Variants in MIA3 observed in about 807,000 individuals in gnomAD.
MIA3 encodes the protein transport and Golgi organization protein 1 homolog.
A neutral mutation model predicts 192.4 loss-of-function variants in MIA3; 90 were observed. The observed-to-expected ratio is 0.47, with a 90% CI of 0.39 to 0.56. The LOEUF (loss-of-function observed/expected upper bound fraction) is 0.56, where lower values mean the gene tolerates loss of function less well. MIA3 is among the 20% of genes least tolerant of loss of function. The pLI, the probability that MIA3 is intolerant of heterozygous loss-of-function variation, is 0.00. For missense variants in MIA3, 2,123 were observed against 2,269.4 expected, an observed-to-expected ratio of 0.94 and a Z score of 1.31; for synonymous variants, 740 against 792.8, an observed-to-expected ratio of 0.93 and a Z score of 1.12.
intron 1 of MIA3, among the ~76,000 whole-genome samples, chr1:222,618,953 A>G (rs1661736100): frequency 6.6e-6 from 1 of 152,000 alleles, no homozygotes; most frequent in African/African-American, 2.4e-5. Context: ...CTGTGCTTGG[A>G]AGCCGCCTTG....
At chr1:222,627,344 T>C (rs1269141336) in intron 3 of MIA3, among the ~76,000 whole-genome samples, 1 of 152,086 alleles carries the variant, frequency 6.6e-6, no homozygotes, top group Non-Finnish European at 1.5e-5. Flanking sequence ...GAATCATTCT[T>C]CCCCTGGGGA....
At chr1:222,619,051 C>CCAGGT (rs1197307634) in intron 1 of MIA3, among the ~76,000 whole-genome samples, 1 of 152,202 alleles carries the variant, frequency 6.6e-6, no homozygotes, top group Non-Finnish European at 1.5e-5. Flanking sequence ...GACCGGCAGC[C>CCAGGT]TCCTCTTCTG....
rs985770171 is a variant in MIA3 at position 222,665,781 on chromosome 1, A to G, written c.*162A>G. On this transcript the variant is annotated 3_prime_UTR_variant, in exon 28 of 28. Coordinates refer to ENST00000344922, the MANE Select transcript of MIA3 (RefSeq NM_198551.4). The stretch of plus-strand genomic sequence containing the variant: ...TGCATTTTTGAGCCAAACAATTCAA[A>G]AATGTCATTTCTTCCCTAAATAAAA... 2 of 501,040 alleles carry G rather than the reference A, an allele frequency of 4.0e-6. No individual in the cohort carries two copies. The highest frequency in any genetic ancestry group is 6.5e-6 in the Non-Finnish European group (2 of 306,100). 31.0% of individuals were successfully genotyped at this position (501,040 alleles called of 1,614,324 possible).
Position 222,633,182 on chromosome 1 carries a change from C to CA in MIA3, c.3412dup (p.Ser1138LysfsTer21). The CA allele has an allele frequency of 6.2e-7, 1 of 1,614,018 alleles. No homozygotes were observed. The stretch of plus-strand genomic sequence containing the variant: ...CCAGAGACAGCCGCCGAAGAGCCGG[C>CA]AAGTGTCACACCTTTGGAAAACGCA... On this transcript the variant is annotated frameshift_variant, in exon 6 of 28. Coordinates refer to ENST00000344922, the MANE Select transcript of MIA3 (RefSeq NM_198551.4). LOFTEE classifies it high-confidence loss of function.
chr1:222,661,366 A>T (rs2124929206), intron 24 of MIA3: 1 of 152,698 alleles, frequency 6.5e-6, no homozygotes, highest in South Asian at 2.1e-4. Flanking sequence ...CAGTACAAAT[A>T]CAATACAGTG....
In MIA3 at chr1:222,660,349, T is replaced by G. The variant is rs989450163; in HGVS notation, c.5113+35T>G. On this transcript the variant is annotated intron_variant, in intron 24 of 27. Coordinates refer to ENST00000344922, the MANE Select transcript of MIA3 (RefSeq NM_198551.4). ...CACATGTTTCCTTGCAATACTCTTTTGGGTGGCTTTTTCCCTTTTATTTGA... is the reference window on the plus strand; with the variant it reads ...CACATGTTTCCTTGCAATACTCTTTGGGGTGGCTTTTTCCCTTTTATTTGA... The G allele has an allele frequency of 4.4e-6, 7 of 1,585,416 alleles. No homozygotes were observed. In the African/African-American group the frequency reaches 9.5e-5, roughly 22 times the overall value.
At position 222,650,348 on chromosome 1, in the gene MIA3, C is replaced by G; in HGVS notation, c.3688C>G (p.Leu1230Val). 6.2e-7 allele frequency: 1 copy of G among 1,602,212 alleles called. No individual in the cohort carries two copies. Among genetic ancestry groups the G allele is most frequent in the Non-Finnish European group, 8.5e-7 (1 of 1,171,954 alleles). The change falls in exon 9 of 28, where the codon CTT becomes GTT. Residue 1230 changes from leucine to valine, a missense_variant. By Grantham distance (32) the Leu-to-Val change is conservative. Coordinates refer to ENST00000344922, the MANE Select transcript of MIA3 (RefSeq NM_198551.4). Reference sequence around the variant, plus strand: ...GACTATCATGAAAGAAAATACAGAACTTGTACAAAAATTGTCAAATTATGA... The same window carrying G: ...GACTATCATGAAAGAAAATACAGAAGTTGTACAAAAATTGTCAAATTATGA... ...LKTIMKENTE[L>V]VQKLSNYEQK...
chr1:222,633,248 C>T lies in MIA3; in HGVS notation c.3476C>T (p.Ser1159Leu), dbSNP rs1009675849. 20 of 1,598,156 alleles carry T rather than the reference C, an allele frequency of 1.3e-5. No individual in the cohort carries two copies. The highest frequency in any genetic ancestry group is 1.7e-4 in the Middle Eastern group (1 of 6,022). The change falls in exon 6 of 28, where the codon TCG becomes TTG. Residue 1159 changes from serine to leucine, a missense_variant and splice_region_variant. Transcript: ENST00000344922. ...IYSFMFYLTK[S>L]LVATLPDDVQ... The stretch of plus-strand genomic sequence containing the variant: ...TCATTCATGTTTTATTTAACTAAGT[C>T]GGTAAGTTTAACATAGTTTTTTTTT...
intron 2 of MIA3, among the ~76,000 whole-genome samples, chr1:222,623,330 CA>C (rs1225107687): frequency 6.6e-6 from 1 of 151,618 alleles, no homozygotes; most frequent in Non-Finnish European, 1.5e-5. Context: ...CCTGTGGTCC[CA>C]ACTGACAAAG....
rs151007310 is a variant in MIA3 at position 222,667,873 on chromosome 1, C to T, written c.*2254C>T. On this transcript the variant is annotated 3_prime_UTR_variant, in exon 28 of 28. Transcript: ENST00000344922. ...TCTGCCATAGTTGTTGTAGTTATAT[C>T]GCCAATGGCTGATTTTTTTCATTGG... is the stretch of plus-strand genomic sequence containing the variant. 2.4e-3 allele frequency: 371 copies of T among 152,292 alleles called. 2 individuals are homozygous for T. Among genetic ancestry groups the T allele is most frequent in the African/African-American group, 8.2e-3 (339 of 41,564 alleles). The allele number at this position is 152,292 out of a possible 1,614,324, so 9.4% of individuals were successfully genotyped here. A position where few individuals can be genotyped will look rare whatever the true frequency, so the allele number is the denominator to read the frequency against.
At chr1:222,660,340 A>G (rs1663949079) in intron 24 of MIA3, 26 bp downstream of exon 24, 4 of 1,596,672 alleles carry the variant, frequency 2.5e-6, no homozygotes, top group African/African-American at 1.3e-5. Flanking sequence ...TTTCCTTGCA[A>G]TACTCTTTTG....
rs1250839966 is a variant in MIA3 at position 222,654,171 on chromosome 1, G to A, written c.4322-72G>A. 2.8e-6 allele frequency: 4 copies of A among 1,432,868 alleles called. No individual in the cohort carries two copies. In the South Asian group the frequency reaches 4.8e-5, roughly 17 times the overall value. The allele number at this position is 1,432,868 out of a possible 1,614,324, so 88.8% of individuals were successfully genotyped here. The stretch of plus-strand genomic sequence containing the variant: ...GAACATGACAATTGTTTAGTTTTGG[G>A]TAAATCAAGAAAATATAGATTTAAA... On this transcript the variant is annotated intron_variant, in intron 15 of 27. Coordinates refer to ENST00000344922, the MANE Select transcript of MIA3 (RefSeq NM_198551.4).
In MIA3 at chr1:222,626,922, A is replaced by G. The variant is rs191968533; in HGVS notation, c.355-653A>G. Among the ~76,000 whole-genome samples, 61 of 152,298 alleles carry G rather than the reference A, an allele frequency of 4.0e-4. No individual in the cohort carries two copies. In the East Asian group the frequency reaches 0.011, roughly 28 times the overall value. ...AAGTATGACATAGAGGGCACAATGT[A>G]GAGAAGCTGATGGTCTTTCAGCTCC... On this transcript the variant is annotated intron_variant, in intron 3 of 27. Coordinates refer to ENST00000344922, the MANE Select transcript of MIA3 (RefSeq NM_198551.4).
Position 222,667,954 on chromosome 1 carries a change from A to G in MIA3, c.*2335A>G, listed in dbSNP as rs1399332171. 1 of 152,214 alleles carries G rather than the reference A, an allele frequency of 6.6e-6. No individual in the cohort carries two copies. The highest frequency in any genetic ancestry group is 1.5e-5 in the Non-Finnish European group (1 of 68,038). The allele number at this position is 152,214 out of a possible 1,614,324, so 9.4% of individuals were successfully genotyped here. A position where few individuals can be genotyped will look rare whatever the true frequency, so the allele number is the denominator to read the frequency against. On this transcript the variant is annotated 3_prime_UTR_variant, in exon 28 of 28. Transcript: ENST00000344922. ...GTATATTCTGTGTCAACTTCAAGAT[A>G]ATCACTCATTTTCTCGTTATATTCA...
intron 6 of MIA3, among the ~76,000 whole-genome samples, chr1:222,637,930 C>T (rs1044783941): frequency 6.6e-6 from 1 of 152,068 alleles, no homozygotes; most frequent in African/African-American, 2.4e-5. Flanking sequence ...AATTTGCCTG[C>T]CTCAGCCTCC....
In MIA3 at chr1:222,629,841, A is replaced by G. The variant is rs1291936447; in HGVS notation, c.2621A>G (p.Glu874Gly). The G allele has an allele frequency of 7.4e-6, 12 of 1,613,684 alleles. No individual in the cohort carries two copies. The highest frequency in any genetic ancestry group is 1.0e-5 in the Non-Finnish European group (12 of 1,179,966). ...TSGLAGEPEGELSKEDHENTE... is the reference protein window; with the variant it reads ...TSGLAGEPEGGLSKEDHENTE... Reference sequence around the variant, plus strand: ...GGGCTTGCAGGGGAGCCTGAGGGAGAACTCTCAAAAGAGGACCATGAGAAC... The same window carrying G: ...GGGCTTGCAGGGGAGCCTGAGGGAGGACTCTCAAAAGAGGACCATGAGAAC... Residue 874 changes from glutamate to glycine, a missense_variant, in exon 4 of 28, where the codon GAA becomes GGA. Glu to Gly is a moderately conservative substitution (Grantham distance 98). This residue lies in a region of MIA3 where 1,357 missense variants were observed against 1,396.1 expected (regional missense o/e 0.97). Transcript: ENST00000344922.
intron 19 of MIA3, 27 bp from the exon 20 acceptor site, chr1:222,659,426 A>G: frequency 6.2e-7 from 1 of 1,605,038 alleles, no homozygotes; most frequent in South Asian, 1.1e-5. Context: ...TTGTGCTTTA[A>G]ATGATAAAGC....
intron 11 of MIA3, among the ~76,000 whole-genome samples, chr1:222,651,115 G>A (rs904445106): frequency 2.0e-5 from 3 of 151,924 alleles, no homozygotes; most frequent in Non-Finnish European, 4.4e-5. Flanking sequence ...CTCAACCCTA[G>A]GTAATTGTCA....
In MIA3 at chr1:222,633,092, T is replaced by G. The variant is rs934060341; in HGVS notation, c.3332-12T>G. The stretch of plus-strand genomic sequence containing the variant: ...TAAAGCACAAAATGTCTATCTTTCC[T>G]CCCAATTCCAGGGCCAGTTACAACA... On this transcript the variant is annotated splice_polypyrimidine_tract_variant and intron_variant, in intron 5 of 27. Transcript: ENST00000344922. 6.3e-7 allele frequency: 1 copy of G among 1,576,438 alleles called. No individual in the cohort carries two copies. Among genetic ancestry groups the G allele is most frequent in the Non-Finnish European group, 8.6e-7 (1 of 1,166,004 alleles).
Sources: allele counts gnomAD v4.1 joint callset (sites outside exome capture counted in the v4.1 genomes callset), GRCh38; gene constraint gnomAD v4.1.1; regional missense constraint gnomAD v4.1.1; transcripts MANE v1.5; gene names NCBI Gene and HGNC (gene_info 2026-07-23, HGNC 2026-07-21).